PDE4D: variants seen among roughly 807,000 people sequenced by gnomAD.
The protein encoded by PDE4D is phosphodiesterase 4D.
In PDE4D, 24 loss-of-function variants were observed where a neutral mutation model predicts 87.4. The ratio of observed to expected loss-of-function variants is 0.27; its 90% CI spans 0.20 to 0.39. The LOEUF is 0.39. Ranked by LOEUF, PDE4D falls within the 10% of genes least tolerant of loss-of-function variation. The probability of loss-of-function intolerance (pLI) is 1.00; values close to 1 mark genes in which losing one functional copy is unlikely to be tolerated. For synonymous variants in PDE4D, 384 were observed against 383.2 expected (o/e 1.00, Z -0.02); for missense variants, 714 against 1,041.0 (o/e 0.69, Z 4.32).
intron 5 of PDE4D, among the ~76,000 whole-genome samples, chr5:59,058,695 C>T (rs1762694942): frequency 6.6e-6 from 1 of 151,956 alleles, no homozygotes; most frequent in African/African-American, 2.4e-5. Flanking sequence ...GGAGGCAGCT[C>T]TCTCAATCAC....
intron 1 of PDE4D, among the ~76,000 whole-genome samples, chr5:59,849,246 G>GA (rs1281090161): frequency 2.0e-5 from 3 of 151,634 alleles, no homozygotes; most frequent in Non-Finnish European, 2.9e-5. Flanking sequence ...GCTTTTTCAA[G>GA]AAAAAAATCA....
At chr5:59,307,520 A>C (rs1051276542) in intron 1 of PDE4D, among the ~76,000 whole-genome samples, 3 of 152,202 alleles carry the variant, frequency 2.0e-5, no homozygotes, top group African/African-American at 7.2e-5. Context: ...ACAAGAAAAA[A>C]ACAAACAACC....
intron 5 of PDE4D, among the ~76,000 whole-genome samples, chr5:59,098,531 C>T (rs1330546564): frequency 8.7e-6 from 1 of 114,716 alleles, no homozygotes; most frequent in East Asian, 3.0e-4. Flanking sequence ...GACCTCATCT[C>T]TACAAAAAAT....
At chr5:59,420,689 G>GAAAAA (rs55960957) in intron 1 of PDE4D, among the ~76,000 whole-genome samples, 2 of 122,012 alleles carry the variant, frequency 1.6e-5, no homozygotes, top group African/African-American at 3.2e-5. Flanking sequence ...TACTGCACAA[G>GAAAAA]AAAAAAAAAA....
intron 6 of PDE4D, among the ~76,000 whole-genome samples, chr5:59,019,717 T>C (rs991332222): frequency 6.6e-6 from 1 of 152,178 alleles, no homozygotes; most frequent in Admixed American, 6.5e-5. Flanking sequence ...GGAGCACTTT[T>C]TCTGGGACCA....
chr5:59,666,213 G>A (rs1309230712), intron 1 of PDE4D, among the ~76,000 whole-genome samples: 1 of 152,076 alleles, frequency 6.6e-6, no homozygotes, highest in Non-Finnish European at 1.5e-5. Flanking sequence ...CACCGGCCTC[G>A]GCCTTCCAAA....
chr5:60,493,781 C>T (rs1299334876), intron 1 of PDE4D, among the ~76,000 whole-genome samples: 2 of 152,136 alleles, frequency 1.3e-5, no homozygotes, highest in African/African-American at 4.8e-5. Flanking sequence ...CCTTCCCCAG[C>T]ACCCACCATG....
intron 1 of PDE4D, among the ~76,000 whole-genome samples, chr5:59,333,872 T>C (rs1186127175): frequency 2.0e-5 from 3 of 152,054 alleles, no homozygotes; most frequent in Non-Finnish European, 4.4e-5. Context: ...GAAACCCAGG[T>C]CAGTAATCTC....
chr5:60,449,482 G>A (rs1265953642), intron 1 of PDE4D, among the ~76,000 whole-genome samples: 1 of 133,294 alleles, frequency 7.5e-6, no homozygotes, highest in Non-Finnish European at 1.6e-5. Context: ...ATCACACTCT[G>A]GGGACTGTTG....
intron 1 of PDE4D, among the ~76,000 whole-genome samples, chr5:60,307,929 T>A (rs373131211): frequency 6.6e-6 from 1 of 152,140 alleles, no homozygotes; most frequent in East Asian, 1.9e-4. Context: ...TAATCCAAGC[T>A]ACTCGGAAGG....
intron 5 of PDE4D, among the ~76,000 whole-genome samples, chr5:59,064,363 T>C (rs528370017): frequency 1.8e-3 from 270 of 152,272 alleles, no homozygotes; most frequent in African/African-American, 6.2e-3. Flanking sequence ...CTCTTTCAGG[T>C]GAGCTCTGTG....
At chr5:60,212,959 C>T (rs981992075) in intron 1 of PDE4D, among the ~76,000 whole-genome samples, 6 of 152,158 alleles carry the variant, frequency 3.9e-5, no homozygotes, top group South Asian at 2.1e-4. Flanking sequence ...CCCTTGACCC[C>T]GTGACCATTC....
chr5:59,797,875 G>T (rs1180681306), intron 1 of PDE4D, among the ~76,000 whole-genome samples: 1 of 151,934 alleles, frequency 6.6e-6, no homozygotes, highest in African/African-American at 2.4e-5. Flanking sequence ...TTTGCAAGTA[G>T]GTGTTCAATA....
chr5:60,032,355 C>T (rs1767329550), intron 2 of PDE4D, among the ~76,000 whole-genome samples: 1 of 152,204 alleles, frequency 6.6e-6, no homozygotes, highest in Non-Finnish European at 1.5e-5. Context: ...ATTAGCCATA[C>T]AACTTCTACT....
intron 3 of PDE4D, among the ~76,000 whole-genome samples, chr5:59,976,978 G>C (rs1326862439): frequency 6.6e-6 from 1 of 152,104 alleles, no homozygotes; most frequent in Non-Finnish European, 1.5e-5. Context: ...TCACTGACTG[G>C]CCATTCCCCA....
At chr5:59,327,622 C>G (rs1401180091) in intron 1 of PDE4D, among the ~76,000 whole-genome samples, 1 of 152,190 alleles carries the variant, frequency 6.6e-6, no homozygotes, top group Non-Finnish European at 1.5e-5. Flanking sequence ...TTTTTGCCTA[C>G]TACTTTTGTG....
chr5:60,358,273 T>A lies in PDE4D; in HGVS notation c.-90+129669A>T, dbSNP rs115310859. ...AGACGGATTATATAGAGATAGATGC[T>A]CATACACTGCTGATTCCCAGGGAAT... On this transcript the variant is annotated intron_variant, in intron 1 of 16. Coordinates refer to the PDE4D transcript ENST00000502484. Among the ~76,000 whole-genome samples the A allele has an allele frequency of 6.3e-3, 961 of 152,304 alleles. 11 individuals carry two copies. Among genetic ancestry groups the A allele is most frequent in the African/African-American group, 0.022 (910 of 41,572 alleles).
chr5:59,119,812 C>A (rs1008255034), intron 5 of PDE4D, among the ~76,000 whole-genome samples: 16 of 152,164 alleles, frequency 1.1e-4, no homozygotes, highest in African/African-American at 3.9e-4. Flanking sequence ...GTGCTAGAGA[C>A]AAGAGCAGAA....
chr5:59,938,133 A>G (rs958959261), intron 3 of PDE4D, among the ~76,000 whole-genome samples: 5 of 152,232 alleles, frequency 3.3e-5, no homozygotes, highest in African/African-American at 9.6e-5. Context: ...TGTATTGACT[A>G]CGTGCTATTA....
Sources: gnomAD v4.1 joint callset for allele counts (sites outside exome capture counted in the v4.1 genomes callset) on GRCh38, gnomAD v4.1.1 for gene constraint, MANE v1.5 for transcripts, NCBI Gene and HGNC (gene_info 2026-07-23, HGNC 2026-07-21) for gene names.